PRMT8: variants seen among roughly 807,000 people sequenced by gnomAD.
PRMT8 encodes protein arginine methyltransferase 8, also known as protein arginine N-methyltransferase 8.
A neutral mutation model predicts 47.1 loss-of-function variants in PRMT8; 7 were observed. The observed-to-expected ratio is 0.15, with a 90% CI of 0.08 to 0.28. The LOEUF is 0.28. Ranked by LOEUF, PRMT8 falls within the 10% of genes least tolerant of loss-of-function variation. PRMT8 has a pLI of 1.00. For synonymous variants in PRMT8, 188 were observed against 186.5 expected (o/e 1.01, Z -0.07); for missense variants, 237 against 505.4 (o/e 0.47, Z 5.09).
chr12:3,527,769 A>T (rs1009150482), intron 1 of PRMT8, among the ~76,000 whole-genome samples: 1 of 152,202 alleles, frequency 6.6e-6, no homozygotes, highest in Non-Finnish European at 1.5e-5. Context: ...AGAGCACTTC[A>T]TTCTTGGTGC....
At chr12:3,505,103 G>A (rs1318275961) in intron 1 of PRMT8, among the ~76,000 whole-genome samples, 4 of 146,032 alleles carry the variant, frequency 2.7e-5, no homozygotes, top group East Asian at 4.1e-4. Flanking sequence ...CCACTGTCTG[G>A]CACTCCCTAG....
chr12:3,432,225 A>T (rs1864689024), intron 1 of PRMT8, among the ~76,000 whole-genome samples: 1 of 152,202 alleles, frequency 6.6e-6, no homozygotes, highest in East Asian at 1.9e-4. Context: ...TGCCCACAGC[A>T]GGCCTCACTG....
At chr12:3,392,199 T>A (rs1218881133) in intron 1 of PRMT8, among the ~76,000 whole-genome samples, 1 of 152,006 alleles carries the variant, frequency 6.6e-6, no homozygotes, top group East Asian at 1.9e-4. Flanking sequence ...TATTTTTTTA[T>A]TTTTATTTTT....
At chr12:3,444,049 T>C (rs770992874) in intron 1 of PRMT8, among the ~76,000 whole-genome samples, 1 of 152,262 alleles carries the variant, frequency 6.6e-6, no homozygotes, top group African/African-American at 2.4e-5. Context: ...CATTATATTA[T>C]GTACAACACC....
intron 1 of PRMT8, among the ~76,000 whole-genome samples, chr12:3,523,147 A>G (rs1865905656): frequency 6.6e-6 from 1 of 152,184 alleles, no homozygotes; most frequent in South Asian, 2.1e-4. Context: ...ACAAATATCT[A>G]TGTCCTAAAA....
At chr12:3,574,713 C>A (rs1187667879) in intron 6 of PRMT8, among the ~76,000 whole-genome samples, 1 of 152,190 alleles carries the variant, frequency 6.6e-6, no homozygotes. Flanking sequence ...CCTTAGAAAC[C>A]AAGGCTTAGA....
Position 3,464,318 on chromosome 12 carries a change from T to A in PRMT8, c.49-76288T>A, listed in dbSNP as rs116045657. On this transcript the variant is annotated intron_variant, in intron 1 of 9. Coordinates refer to the PRMT8 transcript ENST00000452611. ...ACAAACCACAAAGACAGTCAGGACC[T>A]TCACCTCAACTCCTAACGTGCTGTG... Among the ~76,000 whole-genome samples the A allele has an allele frequency of 5.4e-3, 823 of 151,502 alleles. 12 individuals carry two copies. Among genetic ancestry groups the A allele is most frequent in the African/African-American group, 0.019 (781 of 41,380 alleles).
intron 4 of PRMT8, among the ~76,000 whole-genome samples, chr12:3,560,475 C>A (rs1486326261): frequency 6.6e-6 from 1 of 152,200 alleles, no homozygotes; most frequent in African/African-American, 2.4e-5. Flanking sequence ...TCAGTGACTC[C>A]TCTTTGACTT....
At chr12:3,399,167 C>A (rs1864293335) in intron 1 of PRMT8, among the ~76,000 whole-genome samples, 1 of 152,212 alleles carries the variant, frequency 6.6e-6, no homozygotes, top group South Asian at 2.1e-4. Flanking sequence ...CTGAGCACTG[C>A]TCACTAGTGT....
chr12:3,531,256 C>G (rs889827246), intron 1 of PRMT8, among the ~76,000 whole-genome samples: 3 of 152,142 alleles, frequency 2.0e-5, no homozygotes, highest in East Asian at 1.9e-4. Context: ...TCCGTAACCC[C>G]CTTCAAGTCA....
In PRMT8 at chr12:3,491,406, G is replaced by A; in HGVS notation, c.-220G>A. 2 of 1,317,040 alleles carry A rather than the reference G, an allele frequency of 1.5e-6. No individual in the cohort carries two copies. The highest frequency in any genetic ancestry group is 1.9e-6 in the Non-Finnish European group (2 of 1,032,548). 81.6% of individuals were successfully genotyped at this position (1,317,040 alleles called of 1,614,324 possible). On this transcript the variant is annotated 5_prime_UTR_variant, in exon 1 of 10. It adds an upstream start codon to the 5' untranslated region. Coordinates refer to ENST00000382622, the MANE Select transcript of PRMT8 (RefSeq NM_019854.5). ...GGGGGCACGAGAAGAACTTGAAACC[G>A]TGTGAAGGAATCCGGAGCAGATGAG...
At chr12:3,395,969 G>A (rs1207808918) in intron 1 of PRMT8, among the ~76,000 whole-genome samples, 2 of 151,220 alleles carry the variant, frequency 1.3e-5, no homozygotes, top group Non-Finnish European at 3.0e-5. Flanking sequence ...TTATGTAATG[G>A]CCTTCTTTGT....
chr12:3,422,973 G>A (rs1238856516), intron 1 of PRMT8, among the ~76,000 whole-genome samples: 2 of 152,210 alleles, frequency 1.3e-5, no homozygotes, highest in Non-Finnish European at 2.9e-5. Flanking sequence ...GTGAACTAAG[G>A]TAGCGATGAA....
intron 1 of PRMT8, among the ~76,000 whole-genome samples, chr12:3,438,006 A>G (rs1864762514): frequency 6.6e-6 from 1 of 152,148 alleles, no homozygotes; most frequent in Non-Finnish European, 1.5e-5. Context: ...TGGGGTCCCA[A>G]GGAGGAAGTC....
chr12:3,510,641 A>G (rs1440502587), intron 1 of PRMT8, among the ~76,000 whole-genome samples: 1 of 152,150 alleles, frequency 6.6e-6, no homozygotes, highest in Non-Finnish European at 1.5e-5. Context: ...TTGGACTGCC[A>G]GTACTGCAGG....
At chr12:3,584,368 A>G (rs1040122992) in intron 8 of PRMT8, among the ~76,000 whole-genome samples, 1 of 152,138 alleles carries the variant, frequency 6.6e-6, no homozygotes, top group Non-Finnish European at 1.5e-5. Flanking sequence ...GGACTTCAAC[A>G]TGAATTTGGA....
chr12:3,467,172 G>A (rs956165475), intron 1 of PRMT8, among the ~76,000 whole-genome samples: 8 of 148,298 alleles, frequency 5.4e-5, no homozygotes, highest in Non-Finnish European at 8.9e-5. Flanking sequence ...CCTGGGAGGC[G>A]GAGCTTGCAG....
intron 8 of PRMT8, among the ~76,000 whole-genome samples, chr12:3,586,973 G>A (rs1046332195): frequency 6.6e-6 from 1 of 152,196 alleles, no homozygotes; most frequent in African/African-American, 2.4e-5. Flanking sequence ...TCTGTTTCTA[G>A]CAGGTAGCAA....
chr12:3,569,542 G>T lies in PRMT8; in HGVS notation c.690G>T (p.Gln230His). 6.2e-7 allele frequency: 1 copy of T among 1,614,138 alleles called. No individual in the cohort carries two copies. The highest frequency in any genetic ancestry group is 1.1e-5 in the South Asian group (1 of 91,074). Reference protein sequence around the residue: ...ALYVVAIEDRQYKDFKIHWWE... With the variant: ...ALYVVAIEDRHYKDFKIHWWE... The stretch of plus-strand genomic sequence containing the variant: ...ACGTGGTAGCGATTGAAGACAGACA[G>T]TACAAGGACTTCAAAATCCACTGTA... The change falls in exon 6 of 10, where the codon CAG becomes CAT. Residue 230 changes from glutamine to histidine, a missense_variant. Physicochemically the swap from Gln to His is conservative, Grantham distance 24. Around this residue, in one of 5 missense-constraint regions of PRMT8, gnomAD observed 151 missense variants for 341.1 expected, o/e 0.44. Coordinates refer to ENST00000382622, the MANE Select transcript of PRMT8 (RefSeq NM_019854.5). This position sits in a 1 kb window ranked among gnomAD's most constrained non-coding sequence, Gnocchi z 8.2.
Sources: gnomAD v4.1 joint callset for allele counts (sites outside exome capture counted in the v4.1 genomes callset) on GRCh38, gnomAD v4.1.1 for gene constraint, gnomAD v4.1.1 regional missense constraint, Gnocchi (gnomAD v3.1) non-coding constraint, MANE v1.5 for transcripts, NCBI Gene and HGNC (gene_info 2026-07-23, HGNC 2026-07-21) for gene names.